Variants in ARHGAP27 observed in about 807,000 individuals in gnomAD.
ARHGAP27 encodes Rho GTPase activating protein 27, also known as rho GTPase-activating protein 27.
ARHGAP27 carries 53 observed loss-of-function variants against 102.0 expected under a neutral mutation model. That is an observed-to-expected ratio of 0.52 (90% CI 0.42 to 0.65). The LOEUF (loss-of-function observed/expected upper bound fraction) is 0.65, where lower values mean the gene tolerates loss of function less well. Among genes scored for constraint, ARHGAP27 ranks in the 30% least tolerant of loss-of-function variants. The probability of loss-of-function intolerance (pLI) is 0.00; values close to 1 mark genes in which losing one functional copy is unlikely to be tolerated. For synonymous variants in ARHGAP27, 525 were observed against 542.8 expected, an observed-to-expected ratio of 0.97 and a Z score of 0.46; for missense variants, 1,117 against 1,256.2, an observed-to-expected ratio of 0.89 and a Z score of 1.68.
Position 45,394,339 on chromosome 17 carries a change from C to A in ARHGAP27, c.*1117G>T. On this transcript the variant is annotated 3_prime_UTR_variant, in exon 20 of 20. Coordinates refer to ENST00000685559, the MANE Select transcript of ARHGAP27 (RefSeq NM_001282290.2). ...GTTCCCTGGGGTTCACGCTTCCTTT[C>A]TTGAGGTTGTGTCCTCCTTCCCCAC... 6.6e-6 allele frequency: 1 copy of A among 152,568 alleles called. No homozygotes were observed. The allele number at this position is 152,568 out of a possible 1,614,324, so 9.5% of individuals were successfully genotyped here. A position where few individuals can be genotyped will look rare whatever the true frequency, so the allele number is the denominator to read the frequency against.
chr17:45,430,108 A>C lies in ARHGAP27; in HGVS notation c.172T>G (p.Tyr58Asp). The C allele has an allele frequency of 6.6e-7, 1 of 1,515,884 alleles. No homozygotes were observed. Among genetic ancestry groups the C allele is most frequent in the Non-Finnish European group, 8.8e-7 (1 of 1,138,954 alleles). 93.9% of individuals were successfully genotyped at this position (1,515,884 alleles called of 1,614,324 possible). A position where few individuals can be genotyped will look rare whatever the true frequency, so the allele number is the denominator to read the frequency against. The change falls in exon 4 of 20, where the codon TAC (tyrosine) becomes GAC (aspartate). Residue 58 changes from tyrosine (Y) to aspartate (D), a missense_variant. Tyr to Asp is a radical substitution (Grantham distance 160, BLOSUM62 -3). Around this residue, in one of 3 missense-constraint regions of ARHGAP27, gnomAD observed 610 missense variants for 716.4 expected, o/e 0.85. Transcript: ENST00000685559. This position sits in a 1 kb window ranked among gnomAD's most constrained non-coding sequence, Gnocchi z 4.4. ...TCGCGCACGTACTGCGCAGGCAGGT[A>C]GAAGGGGCGGCCGCCGGGCTCACGC... ...VRREPGGRPF[Y>D]LPAQYVRELP...
At chr17:45,400,079 C>T (rs1490096958) in intron 12 of ARHGAP27, among the ~76,000 whole-genome samples, 1 of 152,130 alleles carries the variant, frequency 6.6e-6, no homozygotes, top group Non-Finnish European at 1.5e-5. Context: ...GACAGCATCA[C>T]TTCAGTCCAG....
intron 4 of ARHGAP27, 61 bp downstream of exon 4, chr17:45,429,562 C>CA (rs757655241): frequency 3.8e-6 from 6 of 1,566,800 alleles, no homozygotes; most frequent in Admixed American, 1.9e-5. Context: ...CGCCCCGGCT[C>CA]CGTGCGGGCG....
intron 12 of ARHGAP27, among the ~76,000 whole-genome samples, chr17:45,400,294 G>T (rs546566213): frequency 6.6e-6 from 1 of 152,282 alleles, no homozygotes. Context: ...AAAATTTCCT[G>T]GGCCCAACAA....
Position 45,406,037 on chromosome 17 carries a change from G to A in ARHGAP27, c.704C>T (p.Pro235Leu). The change falls in exon 5 of 20, where the codon CCC becomes CTC. Residue 235 changes from proline to leucine, a missense_variant. Physicochemically the swap from Pro to Leu is moderately conservative, Grantham distance 98. This residue lies in a region of ARHGAP27 where 610 missense variants were observed against 716.4 expected (regional missense o/e 0.85). Coordinates refer to ENST00000685559, the MANE Select transcript of ARHGAP27 (RefSeq NM_001282290.2). ...EPVYANIERQ[P>L]RATSPGAAAA... ...AGCGGCGCCCGGTGAAGTGGCCCGGGGCTGCCTCTCTATGTTCGCGTACAC... is the reference window on the plus strand; with the variant it reads ...AGCGGCGCCCGGTGAAGTGGCCCGGAGCTGCCTCTCTATGTTCGCGTACAC... 3 of 1,533,954 alleles carry A rather than the reference G, an allele frequency of 2.0e-6. No homozygotes were observed. Among genetic ancestry groups the A allele is most frequent in the Non-Finnish European group, 1.7e-6 (2 of 1,145,498 alleles).
intron 4 of ARHGAP27, among the ~76,000 whole-genome samples, chr17:45,416,201 A>G (rs2048435380): frequency 1.3e-5 from 2 of 151,244 alleles, no homozygotes; most frequent in African/African-American, 4.9e-5. Flanking sequence ...GCACGCCACC[A>G]GGCCCAGCTA....
At chr17:45,405,162 C>T (rs997029564) in intron 5 of ARHGAP27, 56 bp from the exon 6 acceptor site, 13 of 1,510,232 alleles carry the variant, frequency 8.6e-6, no homozygotes, top group Non-Finnish European at 1.1e-5. Context: ...TGCCTGCTGG[C>T]CCTGCCGTTT....
At position 45,404,984 on chromosome 17, in the gene ARHGAP27, C is replaced by T. The variant is rs1445278718; in HGVS notation, c.1188G>A (p.Trp396Ter). ...GCTTGTCCTGGCTGACATGACAAGA[C>T]CAGCCGGGGGGTGTGGTCAAGGGAG... ...PTSPLTTPPG[W>*]SCHVSQDKQM... The change falls in exon 6 of 20, where the codon TGG becomes TGA. Residue 396 changes from tryptophan (W) to a stop codon, truncating the protein, a stop_gained. Coordinates refer to ENST00000685559, the MANE Select transcript of ARHGAP27 (RefSeq NM_001282290.2). LOFTEE classifies it high-confidence loss of function. The T allele has an allele frequency of 2.5e-6, 4 of 1,613,970 alleles. No homozygotes were observed. Among genetic ancestry groups the T allele is most frequent in the Non-Finnish European group, 3.4e-6 (4 of 1,180,006 alleles).
rs1323569565 is a variant in ARHGAP27, at chr17:45,425,236, T to G, written c.657+4387A>C. The stretch of plus-strand genomic sequence containing the variant: ...GGCTGCCCCACCTGGGGGTTGGGGG[T>G]GGGGGGTGCCGGAGGAGGGAGTACG... On this transcript the variant is annotated intron_variant, in intron 4 of 19. Coordinates refer to ENST00000685559, the MANE Select transcript of ARHGAP27 (RefSeq NM_001282290.2). 4.6e-3 allele frequency among the ~76,000 whole-genome samples: 659 copies of G among 144,080 alleles called. 1 individual carries two copies. Among genetic ancestry groups the G allele is most frequent in the African/African-American group, 0.017 (622 of 37,038 alleles). The allele number at this position is 144,080 out of a possible 152,430, so 94.5% of individuals were successfully genotyped here.
chr17:45,429,958 C>A lies in ARHGAP27; in HGVS notation c.322G>T (p.Gly108Cys). ...VSAAATAGPDGAPEESGGRAS... is the reference protein window; with the variant it reads ...VSAAATAGPDCAPEESGGRAS... ...CGGCCTCCGGACTCCTCGGGGGCGC[C>A]GTCGGGGCCCGCGGTCGCCGCCGCG... Residue 108 changes from glycine (G) to cysteine (C), a missense_variant, in exon 4 of 20, where the codon GGC becomes TGC. Gly to Cys is a radical substitution (Grantham distance 159). Coordinates refer to ENST00000685559, the MANE Select transcript of ARHGAP27 (RefSeq NM_001282290.2). 8.8e-7 allele frequency: 1 copy of A among 1,133,206 alleles called. No homozygotes were observed. Among genetic ancestry groups the A allele is most frequent in the Non-Finnish European group, 1.1e-6 (1 of 926,572 alleles). 70.2% of individuals were successfully genotyped at this position (1,133,206 alleles called of 1,614,324 possible).
chr17:45,429,565 T>G, intron 4 of ARHGAP27, 58 bp downstream of exon 4: 1 of 1,574,292 alleles, frequency 6.4e-7, no homozygotes, highest in East Asian at 2.3e-5. Flanking sequence ...CCCGGCTCCG[T>G]GCGGGCGCGG....
At chr17:45,417,000 C>T (rs2048535206) in intron 4 of ARHGAP27, among the ~76,000 whole-genome samples, 4 of 150,424 alleles carry the variant, frequency 2.7e-5, no homozygotes, top group East Asian at 4.0e-4. Flanking sequence ...ACTAAAAATA[C>T]AAGAAAATTA....
intron 4 of ARHGAP27, among the ~76,000 whole-genome samples, chr17:45,412,962 CTTTTTTTTTT>C (rs36233058): frequency 3.2e-4 from 13 of 41,142 alleles, no homozygotes; most frequent in East Asian, 2.9e-3. Context: ...TCAGTATAAT[CTTTTTTTTTT>C]TTTTTTTTTT....
At chr17:45,414,862 G>GC (rs59762624) in intron 4 of ARHGAP27, among the ~76,000 whole-genome samples, 133,312 of 133,320 alleles carry the variant, frequency 1, 66,652 homozygotes, top group Middle Eastern at 1. Flanking sequence ...TTCAAGACCA[G>GC]CTGGCCAACA....
chr17:45,397,486 C>T (rs1377305322), intron 13 of ARHGAP27: 1 of 252,960 alleles, frequency 4.0e-6, no homozygotes, highest in Non-Finnish European at 6.9e-6. Flanking sequence ...AATGTTGGCT[C>T]ATAGGGAATT....
chr17:45,405,134 G>A (rs761048520), intron 5 of ARHGAP27, 28 bp from the exon 6 acceptor site: 17 of 1,548,154 alleles, frequency 1.1e-5, no homozygotes, highest in Admixed American at 3.7e-5. Flanking sequence ...TGGAGTCAGA[G>A]GCTCTGAGTG....
At position 45,430,132 on chromosome 17, in the gene ARHGAP27, G is replaced by T; in HGVS notation, c.148C>A (p.Arg50Ser). Residue 50 changes from arginine to serine, a missense_variant, in exon 4 of 20, where the codon CGT (arginine) becomes AGT (serine). By Grantham distance (110) the Arg-to-Ser change is moderately radical. Transcript: ENST00000685559. The surrounding 1 kb of genome is among the most constrained non-coding windows in gnomAD (Gnocchi z 4.4). The stretch of plus-strand genomic sequence containing the variant: ...TAGAAGGGGCGGCCGCCGGGCTCAC[G>T]CCGCACGTGCCACCAGTGCTCGGTG... ...RSTEHWWHVR[R>S]EPGGRPFYLP... The T allele has an allele frequency of 6.5e-7, 1 of 1,527,808 alleles. No individual in the cohort carries two copies. Among genetic ancestry groups the T allele is most frequent in the Non-Finnish European group, 8.7e-7 (1 of 1,143,832 alleles). The allele number at this position is 1,527,808 out of a possible 1,614,324, so 94.6% of individuals were successfully genotyped here.
intron 4 of ARHGAP27, among the ~76,000 whole-genome samples, chr17:45,418,415 A>G (rs930432809): frequency 2.0e-5 from 3 of 151,550 alleles, no homozygotes; most frequent in African/African-American, 7.3e-5. Flanking sequence ...GGCTGCAGTG[A>G]GCCGTGATCG....
chr17:45,404,229 CA>C, intron 9 of ARHGAP27, 39 bp downstream of exon 9: 1 of 1,613,016 alleles, frequency 6.2e-7, no homozygotes, highest in Non-Finnish European at 8.5e-7. Flanking sequence ...CCCTCCTCGC[CA>C]GCACCACCAC....
Sources: gnomAD v4.1 joint callset for allele counts (sites outside exome capture counted in the v4.1 genomes callset) on GRCh38, gnomAD v4.1.1 for gene constraint, gnomAD v4.1.1 regional missense constraint, Gnocchi (gnomAD v3.1) non-coding constraint, MANE v1.5 for transcripts, NCBI Gene and HGNC (gene_info 2026-07-23, HGNC 2026-07-21) for gene names.